The following ACSS3 variants were observed in gnomAD, a reference collection of about 807,000 sequenced individuals.
The protein encoded by ACSS3 is acyl-CoA synthetase short chain family member 3.
Under a neutral mutation model 84.2 loss-of-function variants are expected in ACSS3, and 64 were observed. The ratio of observed to expected loss-of-function variants is 0.76; its 90% CI spans 0.62 to 0.94. The LOEUF (loss-of-function observed/expected upper bound fraction) is 0.94. Ranked by LOEUF, ACSS3 falls within the 40% of genes least tolerant of loss-of-function variation. The probability of loss-of-function intolerance (pLI) is 0.00; values close to 1 mark genes in which losing one functional copy is unlikely to be tolerated. For synonymous variants in ACSS3, 317 were observed against 310.1 expected (o/e 1.02, Z -0.23); for missense variants, 815 against 867.6 (o/e 0.94, Z 0.76).
At chr12:81,223,152 C>T (rs2033164241) in intron 11 of ACSS3, among the ~76,000 whole-genome samples, 1 of 151,980 alleles carries the variant, frequency 6.6e-6, no homozygotes, top group Non-Finnish European at 1.5e-5. Flanking sequence ...TTATTAAAGC[C>T]ATAGGTCTCT....
chr12:81,205,923 A>C (rs985312728), intron 9 of ACSS3, among the ~76,000 whole-genome samples: 22 of 152,112 alleles, frequency 1.4e-4, no homozygotes, highest in African/African-American at 5.3e-4. Context: ...AAAATCTTGT[A>C]TATTTACTGC....
At chr12:81,193,603 T>C (rs2031688447) in intron 8 of ACSS3, among the ~76,000 whole-genome samples, 1 of 151,994 alleles carries the variant, frequency 6.6e-6, no homozygotes, top group Admixed American at 6.6e-5. Context: ...TAGTTTATAG[T>C]ATTATAGATT....
intron 8 of ACSS3, among the ~76,000 whole-genome samples, chr12:81,185,510 C>A (rs2031205767): frequency 6.6e-6 from 1 of 151,532 alleles, no homozygotes; most frequent in Admixed American, 6.6e-5. Flanking sequence ...ACAAAATCAG[C>A]ATACAAAAAT....
chr12:81,179,590 G>C (rs953737817), intron 8 of ACSS3, among the ~76,000 whole-genome samples: 1 of 151,908 alleles, frequency 6.6e-6, no homozygotes, highest in Non-Finnish European at 1.5e-5. Context: ...AGACCCCAGT[G>C]AAACCCCATC....
At chr12:81,199,273 TA>T in intron 8 of ACSS3, 67 bp from the exon 9 acceptor site, 1 of 1,403,498 alleles carries the variant, frequency 7.1e-7, no homozygotes, top group Non-Finnish European at 9.8e-7. Flanking sequence ...CCAATGTTTT[TA>T]AAATGTAAAT....
chr12:81,142,566 A>T (rs1886142198), intron 4 of ACSS3, among the ~76,000 whole-genome samples: 1 of 152,214 alleles, frequency 6.6e-6, no homozygotes, highest in South Asian at 2.1e-4. Context: ...TTTAGTCTTC[A>T]AAAAGGAATA....
At chr12:81,225,931 T>C (rs938611275) in intron 11 of ACSS3, among the ~76,000 whole-genome samples, 1 of 151,894 alleles carries the variant, frequency 6.6e-6, no homozygotes, top group African/African-American at 2.4e-5. Flanking sequence ...CTCCATCCTC[T>C]CTCTCCACTG....
chr12:81,135,591 C>T (rs923355293), intron 3 of ACSS3, among the ~76,000 whole-genome samples: 21 of 151,198 alleles, frequency 1.4e-4, no homozygotes, highest in Admixed American at 4.6e-4. Flanking sequence ...GAACAGAAAA[C>T]CAGATACTTC....
chr12:81,119,355 G>A (rs1040367073), intron 2 of ACSS3, among the ~76,000 whole-genome samples: 1 of 152,166 alleles, frequency 6.6e-6, no homozygotes, highest in Non-Finnish European at 1.5e-5. Context: ...AGGTTCAGCT[G>A]TGCATGTATT....
At chr12:81,118,463 C>T (rs1051282684) in intron 2 of ACSS3, among the ~76,000 whole-genome samples, 2 of 152,106 alleles carry the variant, frequency 1.3e-5, no homozygotes, top group South Asian at 4.1e-4. Flanking sequence ...TTAATATCCA[C>T]ACAGAGAAAT....
At chr12:81,132,991 G>A (rs1050356522) in intron 2 of ACSS3, among the ~76,000 whole-genome samples, 1 of 151,982 alleles carries the variant, frequency 6.6e-6, no homozygotes, top group South Asian at 2.1e-4. Flanking sequence ...TATAATTCAA[G>A]TTCATGATTT....
rs373261559 is a variant in ACSS3 at position 81,153,071 on chromosome 12, G to C, written c.1098+975G>C. ...GATAAAAAAAATCACTAAATTACTA[G>C]AAAGCATCTGAAAAAAGGGAGTAGC... is the stretch of plus-strand genomic sequence containing the variant. On this transcript the variant is annotated intron_variant, in intron 7 of 15. Transcript: ENST00000548058. Among the ~76,000 whole-genome samples the C allele has an allele frequency of 7.9e-4, 121 of 152,204 alleles. 1 individual carries two copies. The highest frequency in any genetic ancestry group is 2.8e-3 in the African/African-American group (117 of 41,534).
In ACSS3 at chr12:81,233,230, A is replaced by C. The variant is rs535033556; in HGVS notation, c.1597-119A>C. Reference sequence around the variant, plus strand: ...GTGTAATTTCCTAGTCTAGTTACGAAAAACGGCAAATGTTCACAGTAAATC... The same window carrying C: ...GTGTAATTTCCTAGTCTAGTTACGACAAACGGCAAATGTTCACAGTAAATC... On this transcript the variant is annotated intron_variant, in intron 12 of 15. Coordinates refer to ENST00000548058, the MANE Select transcript of ACSS3 (RefSeq NM_024560.4). 1.9e-4 allele frequency: 226 copies of C among 1,217,878 alleles called. 2 individuals are homozygous for C. The African/African-American group carries it at 3.1e-3, about 17-fold the overall frequency. 75.4% of individuals were successfully genotyped at this position (1,217,878 alleles called of 1,614,324 possible).
intron 9 of ACSS3, among the ~76,000 whole-genome samples, chr12:81,208,551 G>C (rs2032447534): frequency 6.6e-6 from 1 of 152,064 alleles, no homozygotes; most frequent in South Asian, 2.1e-4. Context: ...CCAGTCACCT[G>C]CACCAGACCA....
Position 81,259,697 on chromosome 12 carries a change from A to C in ACSS3, c.*4775A>C, listed in dbSNP as rs1205943543. ...AATGGATAGCATTAGTTCACTGAAA[A>C]GTCCCAGACTGGGAAATCTCATTCT... is the stretch of plus-strand genomic sequence containing the variant. On this transcript the variant is annotated 3_prime_UTR_variant, in exon 16 of 16. Coordinates refer to ENST00000548058, the MANE Select transcript of ACSS3 (RefSeq NM_024560.4). 6.6e-7 allele frequency: 1 copy of C among 1,525,668 alleles called. No homozygotes were observed. The highest frequency in any genetic ancestry group is 1.2e-5 in the South Asian group (1 of 83,712). The allele number at this position is 1,525,668 out of a possible 1,614,324, so 94.5% of individuals were successfully genotyped here. A position where few individuals can be genotyped will look rare whatever the true frequency, so the allele number is the denominator to read the frequency against.
chr12:81,093,059 G>T (rs1451245941), intron 1 of ACSS3, among the ~76,000 whole-genome samples: 1 of 152,080 alleles, frequency 6.6e-6, no homozygotes, highest in African/African-American at 2.4e-5. Flanking sequence ...AGATGGAGAT[G>T]TAGTGTGATT....
At chr12:81,107,554 ATATAT>A (rs1311691453) in intron 1 of ACSS3, among the ~76,000 whole-genome samples, 16 of 104,482 alleles carry the variant, frequency 1.5e-4, no homozygotes, top group African/African-American at 4.6e-4. Flanking sequence ...ATATATATAT[ATATAT>A]AAATGTTTTT....
intron 7 of ACSS3, among the ~76,000 whole-genome samples, chr12:81,163,062 G>T (rs2135788118): frequency 6.6e-6 from 1 of 152,130 alleles, no homozygotes; most frequent in South Asian, 2.1e-4. Context: ...TATCCCACCA[G>T]CTTGGAAAGT....
rs569818131 is a variant in ACSS3 at position 81,112,969 on chromosome 12, A to G, written c.456+3265A>G. On this transcript the variant is annotated intron_variant, in intron 2 of 15. Coordinates refer to ENST00000548058, the MANE Select transcript of ACSS3 (RefSeq NM_024560.4). The stretch of plus-strand genomic sequence containing the variant: ...GTTTTCTAAAACTATCATTTTTTCT[A>G]TAGATCTGAAAATATTTTAAATAAC... Among the ~76,000 whole-genome samples, 9 of 152,278 alleles carry G rather than the reference A, an allele frequency of 5.9e-5. No homozygotes were observed. In the East Asian group the frequency reaches 7.7e-4, roughly 13 times the overall value.
Sources: allele counts gnomAD v4.1 joint callset (sites outside exome capture counted in the v4.1 genomes callset), GRCh38; gene constraint gnomAD v4.1.1; transcripts MANE v1.5; gene names NCBI Gene and HGNC (gene_info 2026-07-23, HGNC 2026-07-21).